ARHGAP18: variants seen among roughly 807,000 people sequenced by gnomAD.
ARHGAP18 encodes the protein Rho GTPase activating protein 18.
Under a neutral mutation model 86.2 loss-of-function variants are expected in ARHGAP18, and 67 were observed. The observed-to-expected ratio is 0.78, with a 90% CI of 0.64 to 0.95. The LOEUF is 0.95. Among genes scored for constraint, ARHGAP18 ranks in the 40% least tolerant of loss-of-function variants. The pLI is 0.00. For synonymous variants in ARHGAP18, 283 were observed against 280.4 expected (o/e 1.01, Z -0.09); for missense variants, 691 against 780.4 (o/e 0.89, Z 1.37).
At chr6:129,703,960 T>G (rs982515337) in intron 1 of ARHGAP18, among the ~76,000 whole-genome samples, 25 of 148,482 alleles carry the variant, frequency 1.7e-4, no homozygotes, top group African/African-American at 5.0e-4. Flanking sequence ...ACCATCCCTT[T>G]TTTTCAACAA....
intron 4 of ARHGAP18, among the ~76,000 whole-genome samples, chr6:129,631,568 A>C (rs956506202): frequency 3.3e-5 from 5 of 152,164 alleles, no homozygotes; most frequent in Non-Finnish European, 7.4e-5. Flanking sequence ...GAATGCTGAG[A>C]TCAACCTTTT....
intron 3 of ARHGAP18, among the ~76,000 whole-genome samples, chr6:129,635,601 A>G (rs1452136990): frequency 6.6e-6 from 1 of 152,216 alleles, no homozygotes; most frequent in Non-Finnish European, 1.5e-5. Context: ...AGATGGCAGT[A>G]CAGATGGTGT....
At chr6:129,629,239 C>G in intron 5 of ARHGAP18, 114 bp downstream of exon 5, 1 of 839,916 alleles carries the variant, frequency 1.2e-6, no homozygotes, top group Admixed American at 3.5e-5. Flanking sequence ...GTCTGTCTCT[C>G]TCTCTCTCTA....
intron 1 of ARHGAP18, among the ~76,000 whole-genome samples, chr6:129,702,363 T>TC (rs1774726234): frequency 6.6e-6 from 1 of 152,116 alleles, no homozygotes; most frequent in Non-Finnish European, 1.5e-5. Flanking sequence ...CCCTGACTCA[T>TC]CCCCACTCTC....
intron 11 of ARHGAP18, 123 bp from the exon 12 acceptor site, chr6:129,599,479 G>C (rs1484121268): frequency 1.2e-6 from 1 of 859,590 alleles, no homozygotes; most frequent in Non-Finnish European, 1.6e-6. Flanking sequence ...TGATAAGACT[G>C]CCATTTTACA....
intron 1 of ARHGAP18, among the ~76,000 whole-genome samples, chr6:129,705,085 T>A (rs769594544): frequency 6.6e-6 from 1 of 152,188 alleles, no homozygotes; most frequent in South Asian, 2.1e-4. Flanking sequence ...AGGTCTTTAT[T>A]TTCCCCTCCA....
In ARHGAP18 at chr6:129,604,761, T is replaced by C. The variant is rs557044430; in HGVS notation, c.1365+1116A>G. 2.3e-4 allele frequency among the ~76,000 whole-genome samples: 35 copies of C among 152,300 alleles called. No individual in the cohort carries two copies. In the South Asian group the frequency reaches 2.9e-3, roughly 13 times the overall value. ...TCTGGGTTATTCATTTGACAACCAG[T>C]GAAGCAAAAGGCTTTTTTTCTGATT... On this transcript the variant is annotated intron_variant, in intron 10 of 14. Transcript: ENST00000368149.
chr6:129,581,207 T>G (rs1219241739), intron 13 of ARHGAP18, among the ~76,000 whole-genome samples: 9 of 152,282 alleles, frequency 5.9e-5, no homozygotes, highest in East Asian at 3.9e-4. Context: ...AGGAAGAGCA[T>G]GGTACAGCAG....
At chr6:129,589,210 C>G (rs1337112529) in intron 12 of ARHGAP18, among the ~76,000 whole-genome samples, 1 of 152,188 alleles carries the variant, frequency 6.6e-6, no homozygotes, top group African/African-American at 2.4e-5. Flanking sequence ...ATGGGTTTTT[C>G]TTTTCTATCA....
intron 1 of ARHGAP18, among the ~76,000 whole-genome samples, chr6:129,680,187 T>C (rs1774301852): frequency 6.6e-6 from 1 of 152,202 alleles, no homozygotes; most frequent in Non-Finnish European, 1.5e-5. Context: ...TTAGGACCTT[T>C]TTAAAAATTT....
intron 1 of ARHGAP18, among the ~76,000 whole-genome samples, chr6:129,649,269 G>A (rs9388720): frequency 0.044 from 6,694 of 152,086 alleles, 247 homozygotes; most frequent in East Asian, 0.16. Flanking sequence ...AAAAATAAAA[G>A]TCGCGGCCAG....
At chr6:129,704,767 T>C (rs1774776552) in intron 1 of ARHGAP18, among the ~76,000 whole-genome samples, 2 of 152,186 alleles carry the variant, frequency 1.3e-5, no homozygotes, top group Admixed American at 6.5e-5. Context: ...GAGGGACCTT[T>C]TAAATGTGCT....
intron 5 of ARHGAP18, among the ~76,000 whole-genome samples, chr6:129,627,885 T>C (rs1289724156): frequency 6.6e-6 from 1 of 152,132 alleles, no homozygotes; most frequent in African/African-American, 2.4e-5. Flanking sequence ...ACAATAATGG[T>C]TATATGGTTA....
chr6:129,623,198 A>T (rs975901882), intron 5 of ARHGAP18, among the ~76,000 whole-genome samples: 3 of 152,054 alleles, frequency 2.0e-5, no homozygotes, highest in African/African-American at 7.2e-5. Flanking sequence ...TTTTTTACTC[A>T]TCAGATCACT....
At chr6:129,640,670 T>A (rs1773438935) in intron 2 of ARHGAP18, among the ~76,000 whole-genome samples, 1 of 152,180 alleles carries the variant, frequency 6.6e-6, no homozygotes, top group Non-Finnish European at 1.5e-5. Flanking sequence ...AGGAAAAAAA[T>A]CTTATTTATA....
chr6:129,672,356 C>CCAGTTCCATCCCTTTATGT (rs1408591764), intron 1 of ARHGAP18, among the ~76,000 whole-genome samples: 2 of 152,214 alleles, frequency 1.3e-5, no homozygotes, highest in South Asian at 2.1e-4. Flanking sequence ...CTGGGACCTT[C>CCAGTTCCATCCCTTTATGT]CAGTTCCATC....
At chr6:129,681,061 A>G (rs756487533) in intron 1 of ARHGAP18, among the ~76,000 whole-genome samples, 1 of 152,152 alleles carries the variant, frequency 6.6e-6, no homozygotes, top group Non-Finnish European at 1.5e-5. Context: ...AAGATCCTTA[A>G]TCAGAAGTTT....
At chr6:129,675,528 T>C (rs1314260301) in intron 1 of ARHGAP18, among the ~76,000 whole-genome samples, 1 of 152,070 alleles carries the variant, frequency 6.6e-6, no homozygotes, top group Admixed American at 6.5e-5. Context: ...TTCCATTATC[T>C]GGCAATGTCA....
chr6:129,641,994 C>T lies in ARHGAP18; in HGVS notation c.138G>A (p.Met46Ile). 16 of 1,613,946 alleles carry T rather than the reference C, an allele frequency of 9.9e-6. No individual in the cohort carries two copies. The highest frequency in any genetic ancestry group is 1.3e-5 in the Non-Finnish European group (15 of 1,179,912). The change falls in exon 2 of 15, where the codon ATG (methionine) becomes ATA (isoleucine). Residue 46 changes from methionine (M) to isoleucine (I), a missense_variant. Transcript: ENST00000368149. ...CTTTGATGGTGGTGCTTTCCTGGTT[C>T]ATAGTGTACTGGCCATATCTGCGAC... Reference protein sequence around the residue: ...TSSRRYGQYTMNQESTTIKVM... With the variant: ...TSSRRYGQYTINQESTTIKVM...
Sources: allele counts gnomAD v4.1 joint callset (sites outside exome capture counted in the v4.1 genomes callset), GRCh38; gene constraint gnomAD v4.1.1; transcripts MANE v1.5; gene names NCBI Gene and HGNC (gene_info 2026-07-23, HGNC 2026-07-21).